The following BCORL1 variants were observed in gnomAD, a reference collection of about 807,000 sequenced individuals.
The protein encoded by BCORL1 is BCL6 corepressor like 1.
BCORL1 carries 7 observed loss-of-function variants against 87.6 expected under a neutral mutation model. The ratio of observed to expected loss-of-function variants is 0.08; its 90% CI spans 0.05 to 0.15. The LOEUF is 0.15. Ranked by LOEUF, BCORL1 falls within the 10% of genes least tolerant of loss-of-function variation. The probability of loss-of-function intolerance (pLI) is 1.00; values close to 1 mark genes in which losing one functional copy is unlikely to be tolerated. For synonymous variants in BCORL1, 591 were observed against 634.4 expected (o/e 0.93, Z 1.03); for missense variants, 1,215 against 1,499.7 (o/e 0.81, Z 3.13).
intron 8 of BCORL1, among the ~76,000 whole-genome samples, chrX:130,033,010 G>A (rs1213864344): frequency 9.2e-6 from 1 of 109,157 alleles, no homozygotes; most frequent in African/African-American, 3.3e-5. Flanking sequence ...TGATCCACCC[G>A]CTTCAGCCTT....
rs1928395845 is a variant in BCORL1 at position 130,005,268 on chromosome X, A to G, written c.37A>G (p.Asn13Asp). 1.7e-6 allele frequency: 2 copies of G among 1,211,742 alleles called. No individual in the cohort carries two copies. The highest frequency in any genetic ancestry group is 1.1e-6 in the Non-Finnish European group (1 of 895,421). The part of the protein sequence containing the change: ...STAPLYSGVH[N>D]WTSSDRIRMC... ...AGCACCGCTCTACAGCGGCGTGCAC[A>G]ACTGGACCAGTTCTGACCGGATTCG... Residue 13 changes from asparagine (N) to aspartate (D), a missense_variant, in exon 2 of 14, where the codon AAC (asparagine) becomes GAC (aspartate). Coordinates refer to ENST00000540052, the MANE Select transcript of BCORL1 (RefSeq NM_001379451.1).
intron 11 of BCORL1, among the ~76,000 whole-genome samples, chrX:130,042,324 G>A (rs1397276913): frequency 9.0e-6 from 1 of 110,628 alleles, no homozygotes; most frequent in Non-Finnish European, 1.9e-5. Flanking sequence ...GGAACTCCTG[G>A]GCTCAAGCTA....
intron 11 of BCORL1, among the ~76,000 whole-genome samples, chrX:130,048,827 C>T (rs1048219960): frequency 8.9e-6 from 1 of 111,892 alleles, no homozygotes; most frequent in African/African-American, 3.3e-5. Flanking sequence ...CCCGCTCTCC[C>T]CCAGGCCCTG....
chrX:129,998,033 T>C (rs1423169726), intron 1 of BCORL1, among the ~76,000 whole-genome samples: 3 of 106,454 alleles, frequency 2.8e-5, no homozygotes, highest in Middle Eastern at 4.3e-3. Context: ...GCCACACTTA[T>C]GGCTTTGGAT....
chrX:130,037,171 G>A (rs1931001471), intron 9 of BCORL1, among the ~76,000 whole-genome samples, 196 bp from the exon 10 acceptor site: 1 of 111,151 alleles, frequency 9.0e-6, no homozygotes, highest in South Asian at 3.8e-4. Flanking sequence ...CACTGCCAAG[G>A]AAACGGCCCA....
At position 130,049,501 on chromosome X, in the gene BCORL1, C is replaced by T. The variant is rs751756918; in HGVS notation, c.4841-1216C>T. Among the ~76,000 whole-genome samples the T allele has an allele frequency of 6.3e-5, 7 of 111,983 alleles. No homozygotes were observed. In the South Asian group the frequency reaches 2.2e-3, roughly 36 times the overall value. On this transcript the variant is annotated intron_variant, in intron 11 of 13. Transcript: ENST00000540052. ...CCTCCTGAGTAGCTGGGACTACAGG[C>T]GTGTGCCACCATGCCTGGCTAATTT... is the stretch of plus-strand genomic sequence containing the variant.
intron 11 of BCORL1, among the ~76,000 whole-genome samples, chrX:130,044,558 G>T (rs1931627344): frequency 9.1e-6 from 1 of 109,304 alleles, no homozygotes; most frequent in South Asian, 4.0e-4. Flanking sequence ...CGCCCAGGCT[G>T]GAGTGCAATG....
chrX:130,039,692 C>G (rs748712317), intron 11 of BCORL1, among the ~76,000 whole-genome samples: 10 of 113,035 alleles, frequency 8.8e-5, no homozygotes, highest in Non-Finnish European at 1.9e-4. Flanking sequence ...GCAATTTCTT[C>G]TTGTTTGTGA....
intron 11 of BCORL1, among the ~76,000 whole-genome samples, chrX:130,044,098 G>T (rs1048236962): frequency 8.5e-5 from 9 of 106,074 alleles, no homozygotes; most frequent in African/African-American, 3.1e-4. Context: ...TAGAGACGGG[G>T]TTCACCATGT....
intron 1 of BCORL1, among the ~76,000 whole-genome samples, chrX:129,997,105 CA>C (rs1203893094): frequency 9.0e-6 from 1 of 110,875 alleles, no homozygotes. Context: ...CAAAACGAAA[CA>C]AAAAAATCCT....
At chrX:130,003,852 T>C (rs1352112275) in intron 1 of BCORL1, among the ~76,000 whole-genome samples, 1 of 112,061 alleles carries the variant, frequency 8.9e-6, no homozygotes, top group Non-Finnish European at 1.9e-5. Flanking sequence ...TGGCTCATAG[T>C]AGGAATGCAA....
chrX:130,010,935 T>C (rs1387225953), intron 2 of BCORL1, among the ~76,000 whole-genome samples: 2 of 86,201 alleles, frequency 2.3e-5, no homozygotes, highest in African/African-American at 4.6e-5. Context: ...GAGGCGGAGG[T>C]TGCAGTGAGC....
chrX:130,047,691 G>A (rs1931839284), intron 11 of BCORL1, among the ~76,000 whole-genome samples: 1 of 111,806 alleles, frequency 8.9e-6, no homozygotes, highest in African/African-American at 3.3e-5. Flanking sequence ...GAATGCATGT[G>A]TTTCGGCATG....
chrX:130,035,175 G>A lies in BCORL1; in HGVS notation c.4527+499G>A, dbSNP rs1930862967. ...ATTTATTGAGCACTTCTTTTGTCAT[G>A]TGAAGAGCCTGATTACTTTGTATCA... On this transcript the variant is annotated intron_variant, in intron 9 of 13. Transcript: ENST00000540052. Among the ~76,000 whole-genome samples, 4 of 112,208 alleles carry A rather than the reference G, an allele frequency of 3.6e-5. No homozygotes were observed. In the Admixed American group the frequency reaches 3.8e-4, roughly 11 times the overall value.
In BCORL1 at chrX:130,016,240, G is replaced by A. The variant is rs754336401; in HGVS notation, c.3441+27G>A. ...TGAGTGCTGAGCTAAGGTCCAGGGT[G>A]GGGCCGAGATGCCGCTGGTCTACTT... is the stretch of plus-strand genomic sequence containing the variant. On this transcript the variant is annotated intron_variant, in intron 4 of 13. Transcript: ENST00000540052. The A allele has an allele frequency of 2.6e-6, 3 of 1,165,129 alleles. No homozygotes were observed. In the South Asian group the frequency reaches 5.8e-5, roughly 23 times the overall value.
At chrX:129,993,212 G>A (rs891124024) in intron 1 of BCORL1, among the ~76,000 whole-genome samples, 1 of 112,231 alleles carries the variant, frequency 8.9e-6, no homozygotes, top group Non-Finnish European at 1.9e-5. Context: ...GTGACATCTA[G>A]AAGTTGTATA....
intron 2 of BCORL1, among the ~76,000 whole-genome samples, chrX:130,007,022 G>A (rs1227368508): frequency 8.9e-6 from 1 of 111,958 alleles, no homozygotes; most frequent in Non-Finnish European, 1.9e-5. Context: ...AAGATCTGAC[G>A]TTTCTTGGGT....
rs1003899227 is a variant in BCORL1 at position 130,012,796 on chromosome X, T to C, written c.177+128T>C. 4 of 1,000,755 alleles carry C rather than the reference T, an allele frequency of 4.0e-6. No individual in the cohort carries two copies. In the African/African-American group the frequency reaches 5.7e-5, roughly 14 times the overall value. 82.5% of individuals were successfully genotyped at this position (1,000,755 alleles called of 1,213,427 possible). On this transcript the variant is annotated intron_variant, in intron 3 of 13. Coordinates refer to ENST00000540052, the MANE Select transcript of BCORL1 (RefSeq NM_001379451.1). ...CAGGGTCTCTCCCAGGAGTTGGTATTGGTGGGACACAAATTGGCTGGCTGC... is the reference window on the plus strand; with the variant it reads ...CAGGGTCTCTCCCAGGAGTTGGTATCGGTGGGACACAAATTGGCTGGCTGC...
chrX:130,024,552 A>G (rs767277988), intron 6 of BCORL1, among the ~76,000 whole-genome samples: 17 of 110,847 alleles, frequency 1.5e-4, no homozygotes, highest in Non-Finnish European at 2.1e-4. Flanking sequence ...TGAGACCCCA[A>G]TTGCCCTCTC....
Sources: allele counts gnomAD v4.1 joint callset (sites outside exome capture counted in the v4.1 genomes callset), GRCh38; gene constraint gnomAD v4.1.1; transcripts MANE v1.5; gene names NCBI Gene and HGNC (gene_info 2026-07-23, HGNC 2026-07-21).